The following DNAAF4 variants were observed in gnomAD, a reference collection of about 807,000 sequenced individuals.
The protein encoded by DNAAF4 is dynein assembly factor 4, axonemal.
In DNAAF4, 43 loss-of-function variants were observed where a neutral mutation model predicts 51.8. The observed-to-expected ratio is 0.83, with a 90% CI of 0.65 to 1.07. The LOEUF is 1.07. Ranked by LOEUF, DNAAF4 falls within the 50% of genes least tolerant of loss-of-function variation. DNAAF4 has a pLI of 0.00. For synonymous variants in DNAAF4, 194 were observed against 165.6 expected (o/e 1.17, Z -1.32); for missense variants, 581 against 493.0 (o/e 1.18, Z -1.69).
At chr15:55,451,058 T>C (rs1489498499) in intron 5 of DNAAF4, among the ~76,000 whole-genome samples, 2 of 152,114 alleles carry the variant, frequency 1.3e-5, no homozygotes, top group Non-Finnish European at 2.9e-5. Context: ...GATCGTGCCA[T>C]ACACTCCAGC....
intron 4 of DNAAF4, among the ~76,000 whole-genome samples, chr15:55,471,583 G>A (rs993894367): frequency 2.7e-5 from 4 of 148,322 alleles, no homozygotes; most frequent in African/African-American, 5.0e-5. Flanking sequence ...GCACGATCTC[G>A]GGTCACTGCA....
At chr15:55,433,842 A>ATAT (rs1262209647) in intron 8 of DNAAF4, among the ~76,000 whole-genome samples, 9 of 73,272 alleles carry the variant, frequency 1.2e-4, no homozygotes, top group South Asian at 3.1e-4. Flanking sequence ...CATATATTAT[A>ATAT]TATTATATAT....
intron 4 of DNAAF4, among the ~76,000 whole-genome samples, chr15:55,472,573 G>A (rs1213890523): frequency 6.6e-6 from 1 of 151,948 alleles, no homozygotes; most frequent in Non-Finnish European, 1.5e-5. Flanking sequence ...AGCCAAGATC[G>A]CCCCACTGCA....
intron 4 of DNAAF4, among the ~76,000 whole-genome samples, chr15:55,481,175 A>C (rs2058404568): frequency 6.6e-6 from 1 of 152,170 alleles, no homozygotes; most frequent in African/African-American, 2.4e-5. Flanking sequence ...CTTCATTAGC[A>C]GTGTGAGAAT....
intron 7 of DNAAF4, among the ~76,000 whole-genome samples, chr15:55,420,519 G>T (rs552746012): frequency 6.6e-6 from 1 of 152,226 alleles, no homozygotes; most frequent in Non-Finnish European, 1.5e-5. Flanking sequence ...TATAAAAGTT[G>T]AATCTTCTAA....
chr15:55,425,120 CT>C (rs1281670603), intron 7 of DNAAF4, among the ~76,000 whole-genome samples: 1 of 152,200 alleles, frequency 6.6e-6, no homozygotes, highest in African/African-American at 2.4e-5. Flanking sequence ...CCACCTCGGC[CT>C]CCCAAAGTGC....
intron 4 of DNAAF4, among the ~76,000 whole-genome samples, chr15:55,485,969 T>C (rs1434575870): frequency 8.2e-6 from 1 of 121,378 alleles, no homozygotes; most frequent in Non-Finnish European, 1.6e-5. Context: ...CACTCCAGCC[T>C]GGACAACAGA....
At position 55,486,593 on chromosome 15, in the gene DNAAF4, G is replaced by C. The variant is rs183367433; in HGVS notation, c.405+4530C>G. On this transcript the variant is annotated intron_variant, in intron 4 of 9. Transcript: ENST00000321149. ...GATATCTATTCTTTGTTCCTGCTGG[G>C]CAACATAGTTAGACCCCATCTCTAC... Among the ~76,000 whole-genome samples the C allele has an allele frequency of 1.3e-4, 19 of 151,948 alleles. No homozygotes were observed. In the East Asian group the frequency reaches 3.1e-3, roughly 25 times the overall value.
At chr15:55,422,830 C>T (rs1304207316) in intron 7 of DNAAF4, among the ~76,000 whole-genome samples, 6 of 152,034 alleles carry the variant, frequency 3.9e-5, no homozygotes, top group Admixed American at 6.6e-5. Context: ...AACTCCATCT[C>T]TACTAAAAAT....
chr15:55,454,544 AT>A (rs1409923062), intron 5 of DNAAF4, among the ~76,000 whole-genome samples: 1 of 151,664 alleles, frequency 6.6e-6, no homozygotes, highest in Non-Finnish European at 1.5e-5. Context: ...CAGCCAGCTA[AT>A]TTTTGTATTT....
chr15:55,493,572 G>GA (rs1410266829), intron 3 of DNAAF4, among the ~76,000 whole-genome samples: 3 of 151,888 alleles, frequency 2.0e-5, no homozygotes, highest in East Asian at 3.9e-4. Flanking sequence ...GGAATTTCCA[G>GA]AAAAAATGAG....
Position 55,498,361 on chromosome 15 carries a change from G to C in DNAAF4, c.-32C>G. ...AGCAACGGGAGCGGATAGCGCGGCT[G>C]GTTGCTTCTTGCGCCTGCTTGGTTG... On this transcript the variant is annotated 5_prime_UTR_variant, in exon 2 of 10. Transcript: ENST00000321149. 2 of 1,589,000 alleles carry C rather than the reference G, an allele frequency of 1.3e-6. No homozygotes were observed. The highest frequency in any genetic ancestry group is 1.7e-6 in the Non-Finnish European group (2 of 1,163,814).
At chr15:55,447,864 G>C (rs1203020511) in intron 6 of DNAAF4, among the ~76,000 whole-genome samples, 9 of 131,756 alleles carry the variant, frequency 6.8e-5, no homozygotes, top group African/African-American at 2.2e-4. Flanking sequence ...GGGGAGAGGG[G>C]AGAGGGGAGA....
chr15:55,475,362 G>A (rs1046311379), intron 4 of DNAAF4, among the ~76,000 whole-genome samples: 1 of 152,158 alleles, frequency 6.6e-6, no homozygotes, highest in African/African-American at 2.4e-5. Flanking sequence ...AAAGAGAAAA[G>A]TCTTTAGTCT....
At chr15:55,457,297 C>T (rs2058034275) in intron 5 of DNAAF4, among the ~76,000 whole-genome samples, 1 of 152,110 alleles carries the variant, frequency 6.6e-6, no homozygotes, top group Admixed American at 6.5e-5. Flanking sequence ...CCCCCACCTC[C>T]CTGGTGACCT....
chr15:55,483,338 G>GC (rs2058437888), intron 4 of DNAAF4, among the ~76,000 whole-genome samples: 1 of 151,330 alleles, frequency 6.6e-6, no homozygotes, highest in Non-Finnish European at 1.5e-5. Context: ...CTTGTGATCC[G>GC]CCCCCCTCAG....
intron 7 of DNAAF4, among the ~76,000 whole-genome samples, chr15:55,424,716 C>T (rs2057415428): frequency 6.6e-6 from 1 of 152,132 alleles, no homozygotes; most frequent in Non-Finnish European, 1.5e-5. Context: ...GCATGCGCCA[C>T]CATGCCCAGC....
intron 5 of DNAAF4, among the ~76,000 whole-genome samples, chr15:55,459,015 G>A (rs962914102): frequency 6.6e-6 from 1 of 150,526 alleles, no homozygotes; most frequent in African/African-American, 2.4e-5. Flanking sequence ...GTTGGAGGTT[G>A]CAGTGAGCCG....
In DNAAF4 at chr15:55,497,737, C is replaced by T; in HGVS notation, c.246G>A (p.Met82Ile). Residue 82 changes from methionine to isoleucine, a missense_variant, in exon 3 of 10, where the codon ATG (methionine) becomes ATA (isoleucine). Met to Ile is a conservative substitution (Grantham distance 10). Coordinates refer to ENST00000321149, the MANE Select transcript of DNAAF4 (RefSeq NM_130810.4). Reference sequence around the variant, plus strand: ...CACCCGTCACAGAAAGGGTCTCCCACATGGCCGCTTCTTTTTTATACAAGG... The same window carrying T: ...CACCCGTCACAGAAAGGGTCTCCCATATGGCCGCTTCTTTTTTATACAAGG... ...VFTLYKKEAA[M>I]WETLSVTGVD... 1 of 1,612,862 alleles carries T rather than the reference C, an allele frequency of 6.2e-7. No individual in the cohort carries two copies. Among genetic ancestry groups the T allele is most frequent in the Non-Finnish European group, 8.5e-7 (1 of 1,179,612 alleles).
Sources: gnomAD v4.1 joint callset for allele counts (sites outside exome capture counted in the v4.1 genomes callset) on GRCh38, gnomAD v4.1.1 for gene constraint, MANE v1.5 for transcripts, NCBI Gene and HGNC (gene_info 2026-07-23, HGNC 2026-07-21) for gene names.